The following RAB3GAP2 variants were observed in gnomAD, a reference collection of about 807,000 sequenced individuals.
RAB3GAP2 encodes the protein rab3 GTPase-activating protein non-catalytic subunit.
A neutral mutation model predicts 185.3 loss-of-function variants in RAB3GAP2; 87 were observed. The ratio of observed to expected loss-of-function variants is 0.47; its 90% CI spans 0.39 to 0.56. The LOEUF is 0.56. Ranked by LOEUF, RAB3GAP2 falls within the 20% of genes least tolerant of loss-of-function variation. RAB3GAP2 has a pLI of 0.00. For missense variants in RAB3GAP2, 1,492 were observed against 1,638.2 expected (o/e 0.91, Z 1.54); for synonymous variants, 554 against 576.1 (o/e 0.96, Z 0.55).
At chr1:220,229,953 T>C (rs1000244616) in intron 2 of RAB3GAP2, among the ~76,000 whole-genome samples, 3 of 152,182 alleles carry the variant, frequency 2.0e-5, no homozygotes, top group Admixed American at 6.5e-5. Flanking sequence ...AAATAGCACA[T>C]GTAAGGTAAG....
chr1:220,190,955 T>A (rs979919978), intron 14 of RAB3GAP2, 113 bp downstream of exon 14: 1 of 1,034,354 alleles, frequency 9.7e-7, no homozygotes, highest in Admixed American at 1.9e-5. Flanking sequence ...ATAAAGAATA[T>A]TGTAATTCTC....
At chr1:220,260,393 C>T (rs1166758074) in intron 1 of RAB3GAP2, among the ~76,000 whole-genome samples, 1 of 152,278 alleles carries the variant, frequency 6.6e-6, no homozygotes, top group East Asian at 1.9e-4. Flanking sequence ...GGTATATATA[C>T]ACCATGGAAT....
chr1:220,152,496 T>A (rs1415890422), intron 33 of RAB3GAP2, among the ~76,000 whole-genome samples: 1 of 152,178 alleles, frequency 6.6e-6, no homozygotes, highest in Non-Finnish European at 1.5e-5. Context: ...GCTTACTATG[T>A]TTGGTCAGCC....
intron 1 of RAB3GAP2, among the ~76,000 whole-genome samples, chr1:220,270,824 C>A (rs1433202249): frequency 6.6e-6 from 1 of 152,212 alleles, no homozygotes; most frequent in African/African-American, 2.4e-5. Context: ...TGTCATTTCT[C>A]TACTTAAACT....
chr1:220,223,651 T>C (rs1391619104), intron 2 of RAB3GAP2, among the ~76,000 whole-genome samples: 2 of 151,332 alleles, frequency 1.3e-5, no homozygotes, highest in Non-Finnish European at 1.5e-5. Context: ...TGTTTCCCAA[T>C]ACAATATTTG....
chr1:220,211,821 T>A (rs767362941), intron 4 of RAB3GAP2, among the ~76,000 whole-genome samples: 2 of 152,246 alleles, frequency 1.3e-5, no homozygotes, highest in African/African-American at 2.4e-5. Flanking sequence ...GTATTATGTT[T>A]GCTTTGCATT....
intron 1 of RAB3GAP2, among the ~76,000 whole-genome samples, chr1:220,263,378 G>A (rs1461708717): frequency 1.3e-5 from 2 of 152,078 alleles, no homozygotes; most frequent in African/African-American, 4.8e-5. Flanking sequence ...CAAGTCCAAT[G>A]TCATGAAGCT....
chr1:220,188,949 C>G (rs1410484695), intron 17 of RAB3GAP2, among the ~76,000 whole-genome samples: 4 of 152,084 alleles, frequency 2.6e-5, no homozygotes, highest in Admixed American at 2.0e-4. Flanking sequence ...TAGGGCATGA[C>G]TGCATTTATA....
intron 3 of RAB3GAP2, among the ~76,000 whole-genome samples, chr1:220,213,248 C>A (rs1166354186): frequency 3.3e-5 from 5 of 152,048 alleles, no homozygotes; most frequent in Non-Finnish European, 5.9e-5. Context: ...CCTATGCCCA[C>A]CCTGCCTAGT....
At chr1:220,228,743 C>G (rs952833557) in intron 2 of RAB3GAP2, among the ~76,000 whole-genome samples, 1 of 152,158 alleles carries the variant, frequency 6.6e-6, no homozygotes, top group Non-Finnish European at 1.5e-5. Flanking sequence ...ATAATAAGAA[C>G]AGCTAGAAAT....
chr1:220,253,951 G>A, intron 1 of RAB3GAP2: 1 of 1,613,710 alleles, frequency 6.2e-7, no homozygotes, highest in South Asian at 1.1e-5. Context: ...CAGTACCAGT[G>A]AGACCCCTCA....
At position 220,202,376 on chromosome 1, in the gene RAB3GAP2, T is replaced by G; in HGVS notation, c.713-2A>C. ...TGTTCTCATTGCCTGATGCTGCAGC[T>G]ACCAAAGATAAAATAAGACAATCCA... On this transcript the variant is annotated splice_acceptor_variant, in intron 8 of 34. Coordinates refer to ENST00000358951, the MANE Select transcript of RAB3GAP2 (RefSeq NM_012414.4). LOFTEE classifies it high-confidence loss of function. 1 of 1,611,872 alleles carries G rather than the reference T, an allele frequency of 6.2e-7. No individual in the cohort carries two copies. The highest frequency in any genetic ancestry group is 1.7e-4 in the Middle Eastern group (1 of 6,036).
chr1:220,271,224 A>C (rs1660327652), intron 1 of RAB3GAP2: 2 of 152,172 alleles, frequency 1.3e-5, no homozygotes, highest in Non-Finnish European at 1.5e-5. Context: ...GTTCGATTTG[A>C]TATCTTCTAA....
chr1:220,183,251 T>A lies in RAB3GAP2; in HGVS notation c.1999-320A>T, dbSNP rs200779451. On this transcript the variant is annotated intron_variant, in intron 19 of 34. Transcript: ENST00000358951. ...TTTATTATCTTCTAGAATGTTAGCA[T>A]TTTTTTTTTTTTTTTGAGACAGGGT... Among the ~76,000 whole-genome samples the A allele has an allele frequency of 2.1e-3, 266 of 126,888 alleles. 5 individuals carry two copies. The East Asian group carries it at 0.049, about 23-fold the overall frequency. 83.2% of individuals were successfully genotyped at this position (126,888 alleles called of 152,430 possible). A position where few individuals can be genotyped will look rare whatever the true frequency, so the allele number is the denominator to read the frequency against.
In RAB3GAP2 at chr1:220,208,662, A is replaced by T. The variant is rs532473825; in HGVS notation, c.612+1726T>A. 2.4e-4 allele frequency among the ~76,000 whole-genome samples: 36 copies of T among 152,304 alleles called. 1 individual carries two copies. Among genetic ancestry groups the T allele is most frequent in the East Asian group, 9.6e-4 (5 of 5,182 alleles). ...CTTAGAGACATCTTTAGCTCATTTT[A>T]AAAAAATTGTACATCTCTACACAAT... is the stretch of plus-strand genomic sequence containing the variant. On this transcript the variant is annotated intron_variant, in intron 7 of 34. Coordinates refer to ENST00000358951, the MANE Select transcript of RAB3GAP2 (RefSeq NM_012414.4).
chr1:220,198,714 G>A (rs1658778843), intron 9 of RAB3GAP2, among the ~76,000 whole-genome samples: 1 of 152,008 alleles, frequency 6.6e-6, no homozygotes, highest in Non-Finnish European at 1.5e-5. Flanking sequence ...ACATTTCCTT[G>A]GCTGTGCATT....
At chr1:220,242,371 T>C (rs1659711500) in intron 1 of RAB3GAP2, among the ~76,000 whole-genome samples, 1 of 152,092 alleles carries the variant, frequency 6.6e-6, no homozygotes, top group African/African-American at 2.4e-5. Flanking sequence ...ATAAGAAATA[T>C]ATTACTCATT....
chr1:220,227,474 G>A lies in RAB3GAP2; in HGVS notation c.180+5325C>T, dbSNP rs11585179. 6.4e-3 allele frequency among the ~76,000 whole-genome samples: 975 copies of A among 152,268 alleles called. 4 individuals carry two copies. Among genetic ancestry groups the A allele is most frequent in the Non-Finnish European group, 0.011 (743 of 68,016 alleles). On this transcript the variant is annotated intron_variant, in intron 2 of 34. Coordinates refer to ENST00000358951, the MANE Select transcript of RAB3GAP2 (RefSeq NM_012414.4). ...CTACTCTCAAAGAGCTAACACACTC[G>A]TGGAGATAAAAAGCACTGTGGAGTT... is the stretch of plus-strand genomic sequence containing the variant.
intron 31 of RAB3GAP2, among the ~76,000 whole-genome samples, chr1:220,156,283 C>A (rs988355713): frequency 2.6e-5 from 4 of 152,086 alleles, no homozygotes; most frequent in Admixed American, 2.6e-4. Context: ...AAATAATAAA[C>A]CCACTTTCCC....
Sources: gnomAD v4.1 joint callset for allele counts (sites outside exome capture counted in the v4.1 genomes callset) on GRCh38, gnomAD v4.1.1 for gene constraint, MANE v1.5 for transcripts, NCBI Gene and HGNC (gene_info 2026-07-23, HGNC 2026-07-21) for gene names.